KCNK1: variants seen among roughly 807,000 people sequenced by gnomAD.
The protein encoded by KCNK1 is potassium two pore domain channel subfamily K member 1, also known as potassium channel subfamily K member 1.
Under a neutral mutation model 22.2 loss-of-function variants are expected in KCNK1, and 10 were observed. The ratio of observed to expected loss-of-function variants is 0.45; its 90% CI spans 0.28 to 0.76. The LOEUF (loss-of-function observed/expected upper bound fraction) is 0.76. Ranked by LOEUF, KCNK1 falls within the 30% of genes least tolerant of loss-of-function variation. KCNK1 has a pLI of 0.14. For missense variants in KCNK1, 378 were observed against 421.0 expected, an observed-to-expected ratio of 0.90 and a Z score of 0.89; for synonymous variants, 200 against 186.4, an observed-to-expected ratio of 1.07 and a Z score of -0.60.
chr1:233,628,760 A>AATAATAATAAT (rs1657738099), intron 1 of KCNK1, among the ~76,000 whole-genome samples: 22 of 148,794 alleles, frequency 1.5e-4, no homozygotes, highest in African/African-American at 5.7e-4. Flanking sequence ...ACTCTGTCTC[A>AATAATAATAAT]AATAATAATA....
chr1:233,618,432 T>C (rs539485104), intron 1 of KCNK1, among the ~76,000 whole-genome samples: 5 of 152,302 alleles, frequency 3.3e-5, no homozygotes, highest in South Asian at 2.1e-4. Context: ...CAGGTGATAT[T>C]TGGGGAGTAA....
chr1:233,653,194 C>T (rs1658229105), intron 1 of KCNK1, among the ~76,000 whole-genome samples: 1 of 152,186 alleles, frequency 6.6e-6, no homozygotes, highest in Non-Finnish European at 1.5e-5. Context: ...CCATTTATTC[C>T]TGCAGAAACC....
intron 1 of KCNK1, among the ~76,000 whole-genome samples, chr1:233,635,750 AAC>A (rs1437666173): frequency 2.4e-4 from 36 of 152,346 alleles, no homozygotes; most frequent in African/African-American, 8.4e-4. Flanking sequence ...ATCAGGGAAC[AAC>A]AGACTAAAAT....
At chr1:233,657,443 A>T (rs74145621) in intron 1 of KCNK1, among the ~76,000 whole-genome samples, 464 of 152,332 alleles carry the variant, frequency 3.0e-3, no homozygotes, top group African/African-American at 0.01. Flanking sequence ...ATCTGCCCGC[A>T]GTAACCTAGC....
rs749450155 is a variant in KCNK1 at position 233,671,498 on chromosome 1, T to A, written c.979T>A (p.Ser327Thr). 1 of 1,614,152 alleles carries A rather than the reference T, an allele frequency of 6.2e-7. No individual in the cohort carries two copies. Among genetic ancestry groups the A allele is most frequent in the South Asian group, 1.1e-5 (1 of 91,086 alleles). The change falls in exon 3 of 3, where the codon TCT becomes ACT. Residue 327 changes from serine to threonine, a missense_variant. By Grantham distance (58) the Ser-to-Thr change is moderately conservative. Transcript: ENST00000366621. ...TGAGCCTTTTGTGGCCACCCAGTCA[T>A]CTGCCTGCGTGGATGGCCCTGCAAA... ...QNEPFVATQS[S>T]ACVDGPANH
chr1:233,644,037 C>A (rs887822030), intron 1 of KCNK1, among the ~76,000 whole-genome samples: 1 of 152,104 alleles, frequency 6.6e-6, no homozygotes, highest in Non-Finnish European at 1.5e-5. Context: ...TAAGAGAATA[C>A]CACTGGGTGA....
chr1:233,621,015 G>A (rs1657577151), intron 1 of KCNK1, among the ~76,000 whole-genome samples: 1 of 152,138 alleles, frequency 6.6e-6, no homozygotes, highest in Non-Finnish European at 1.5e-5. Flanking sequence ...TCTCTACTTA[G>A]GTCCCAAAGC....
rs367889089 is a variant in KCNK1, at chr1:233,631,190, G to A, written c.355+16664G>A. On this transcript the variant is annotated intron_variant, in intron 1 of 2. Coordinates refer to ENST00000366621, the MANE Select transcript of KCNK1 (RefSeq NM_002245.4). ...CAGTCTATTTTATTTATACCTACGT[G>A]GTAACTGCTAACTCAAATAGGCGTG... 2,640 of 486,028 alleles carry A rather than the reference G, an allele frequency of 5.4e-3. 75 individuals are homozygous for A. Among genetic ancestry groups the A allele is most frequent in the South Asian group, 0.038 (2,503 of 65,106 alleles). The allele number at this position is 486,028 out of a possible 1,614,324, so 30.1% of individuals were successfully genotyped here.
rs569157639 is a variant in KCNK1, at chr1:233,649,462, C to T, written c.356-17133C>T. Among the ~76,000 whole-genome samples, 21 of 152,308 alleles carry T rather than the reference C, an allele frequency of 1.4e-4. No individual in the cohort carries two copies. In the South Asian group the frequency reaches 3.7e-3, roughly 27 times the overall value. ...TAGATAGACTGGAGATATTTTTCCT[C>T]TACTCTTGCATGAAGAAATATGTCT... On this transcript the variant is annotated intron_variant, in intron 1 of 2. Coordinates refer to ENST00000366621, the MANE Select transcript of KCNK1 (RefSeq NM_002245.4).
chr1:233,626,950 A>C (rs1332477459), intron 1 of KCNK1, among the ~76,000 whole-genome samples: 1 of 152,210 alleles, frequency 6.6e-6, no homozygotes, highest in Non-Finnish European at 1.5e-5. Context: ...ATATTAAATA[A>C]AGCCACCAAG....
At chr1:233,667,715 G>A (rs1658523956) in intron 2 of KCNK1, among the ~76,000 whole-genome samples, 1 of 119,272 alleles carries the variant, frequency 8.4e-6, no homozygotes, top group Admixed American at 1.0e-4. Context: ...GGGCGACAGA[G>A]CGAGACTCCG....
chr1:233,617,046 C>CTT (rs538754784), intron 1 of KCNK1, among the ~76,000 whole-genome samples: 3,736 of 147,526 alleles, frequency 0.025, 141 homozygotes, highest in African/African-American at 0.086. Flanking sequence ...ACATGTTGTG[C>CTT]TTTTTTTTTT....
At chr1:233,662,268 TCTTCTC>T (rs201595729) in intron 1 of KCNK1, among the ~76,000 whole-genome samples, 42,197 of 131,646 alleles carry the variant, frequency 0.32, 6,524 homozygotes, top group Admixed American at 0.4. Flanking sequence ...TTCTTCTTCT[TCTTCTC>T]CTCCTCCTCC....
intron 1 of KCNK1, among the ~76,000 whole-genome samples, chr1:233,632,019 T>G (rs1172005649): frequency 6.6e-6 from 1 of 152,146 alleles, no homozygotes; most frequent in Non-Finnish European, 1.5e-5. Context: ...TTGCCCAAGA[T>G]GCCATGACAA....
intron 1 of KCNK1, among the ~76,000 whole-genome samples, chr1:233,660,098 A>T (rs574556828): frequency 6.6e-6 from 1 of 152,348 alleles, no homozygotes; most frequent in Non-Finnish European, 1.5e-5. Flanking sequence ...TCAAGGGGAC[A>T]TTTGCTGCAT....
At chr1:233,624,680 A>G (rs1198457702) in intron 1 of KCNK1, among the ~76,000 whole-genome samples, 1 of 152,230 alleles carries the variant, frequency 6.6e-6, no homozygotes, top group Non-Finnish European at 1.5e-5. Flanking sequence ...TATTCTCTTG[A>G]TGAGGAAACA....
At chr1:233,627,511 C>T (rs1256466568) in intron 1 of KCNK1, among the ~76,000 whole-genome samples, 1 of 151,980 alleles carries the variant, frequency 6.6e-6, no homozygotes, top group African/African-American at 2.4e-5. Flanking sequence ...AGTAGCAAAG[C>T]GCCCACATCG....
intron 1 of KCNK1, among the ~76,000 whole-genome samples, chr1:233,626,827 T>C (rs1054429209): frequency 5.3e-5 from 8 of 152,336 alleles, no homozygotes; most frequent in African/African-American, 1.7e-4. Flanking sequence ...TCATATTTTC[T>C]TAAAATTAAC....
intron 1 of KCNK1, among the ~76,000 whole-genome samples, chr1:233,662,238 C>CCTTCTTCTT (rs147341553): frequency 0.013 from 1,872 of 149,542 alleles, 34 homozygotes; most frequent in African/African-American, 0.043. Context: ...TTCTTCTTCT[C>CCTTCTTCTT]CTTCTTCTTC....
Sources: allele counts gnomAD v4.1 joint callset (sites outside exome capture counted in the v4.1 genomes callset), GRCh38; gene constraint gnomAD v4.1.1; transcripts MANE v1.5; gene names NCBI Gene and HGNC (gene_info 2026-07-23, HGNC 2026-07-21).